GABRB1: variants seen among roughly 807,000 people sequenced by gnomAD.
GABRB1 encodes the protein gamma-aminobutyric acid receptor subunit beta-1.
A neutral mutation model predicts 51.6 loss-of-function variants in GABRB1; 17 were observed. The ratio of observed to expected loss-of-function variants is 0.33; its 90% CI spans 0.23 to 0.49. The LOEUF is 0.49. Ranked by LOEUF, GABRB1 falls within the 20% of genes least tolerant of loss-of-function variation. The pLI is 0.99. For missense variants in GABRB1, 410 were observed against 600.6 expected (o/e 0.68, Z 3.32); for synonymous variants, 247 against 218.9 (o/e 1.13, Z -1.14).
intron 4 of GABRB1, among the ~76,000 whole-genome samples, chr4:47,269,296 A>C (rs1380040584): frequency 2.0e-5 from 3 of 152,228 alleles, no homozygotes; most frequent in Non-Finnish European, 2.9e-5. Context: ...TTGAAACAGC[A>C]CTTTTCATTA....
chr4:47,289,152 G>A (rs1024949959), intron 4 of GABRB1, among the ~76,000 whole-genome samples: 1 of 151,998 alleles, frequency 6.6e-6, no homozygotes, highest in South Asian at 2.1e-4. Context: ...CTGTGATGAT[G>A]TGAAACAGAG....
rs936361407 is a variant in GABRB1, at chr4:47,339,141, C to T, written c.544+18932C>T. Among the ~76,000 whole-genome samples the T allele has an allele frequency of 2.0e-5, 3 of 152,146 alleles. No individual in the cohort carries two copies. In the South Asian group the frequency reaches 6.2e-4, roughly 32 times the overall value. Reference sequence around the variant, plus strand: ...CTATTATAGGGAAGTATAAAATAATCAAAACAGTAGGAAATGTAATGCAGG... The same window carrying T: ...CTATTATAGGGAAGTATAAAATAATTAAAACAGTAGGAAATGTAATGCAGG... On this transcript the variant is annotated intron_variant, in intron 5 of 8. Transcript: ENST00000295454.
chr4:47,136,017 G>T (rs574296175), intron 3 of GABRB1, among the ~76,000 whole-genome samples: 112 of 152,144 alleles, frequency 7.4e-4, no homozygotes, highest in Admixed American at 1.8e-3. Context: ...TTGAGGCAGG[G>T]TCTCACTCAG....
At chr4:47,228,003 G>A (rs1045810242) in intron 4 of GABRB1, among the ~76,000 whole-genome samples, 31 of 152,162 alleles carry the variant, frequency 2.0e-4, no homozygotes, top group African/African-American at 7.0e-4. Context: ...AAAGGCCCTA[G>A]CTTCAAATAC....
intron 5 of GABRB1, among the ~76,000 whole-genome samples, chr4:47,398,857 C>G (rs1424639974): frequency 6.6e-6 from 1 of 152,154 alleles, no homozygotes; most frequent in African/African-American, 2.4e-5. Context: ...GTGGCGCTAT[C>G]TCGGCTCACT....
chr4:47,250,280 C>T lies in GABRB1; in HGVS notation c.462-69847C>T, dbSNP rs765343074. On this transcript the variant is annotated intron_variant, in intron 4 of 8. Coordinates refer to ENST00000295454, the MANE Select transcript of GABRB1 (RefSeq NM_000812.4). Reference sequence around the variant, plus strand: ...GTTTGAGGAGGCTGAAGATAGACCCCCAATCCCTTTTAGCTTGTAGGGTTT... The same window carrying T: ...GTTTGAGGAGGCTGAAGATAGACCCTCAATCCCTTTTAGCTTGTAGGGTTT... 2.8e-4 allele frequency among the ~76,000 whole-genome samples: 42 copies of T among 152,132 alleles called. 1 individual carries two copies. The highest frequency in any genetic ancestry group is 5.2e-4 in the Admixed American group (8 of 15,278).
chr4:47,063,779 A>G (rs569121763), intron 3 of GABRB1, among the ~76,000 whole-genome samples: 41 of 152,302 alleles, frequency 2.7e-4, no homozygotes, highest in African/African-American at 9.1e-4. Context: ...GCAAACTAAC[A>G]CGGGAACAGA....
chr4:47,309,548 A>AT (rs894797449), intron 4 of GABRB1, among the ~76,000 whole-genome samples: 29 of 152,196 alleles, frequency 1.9e-4, no homozygotes, highest in Non-Finnish European at 3.4e-4. Flanking sequence ...ACTCAGTGTG[A>AT]TTTTTTTAAA....
chr4:47,095,994 T>G (rs1714410831), intron 3 of GABRB1, among the ~76,000 whole-genome samples: 1 of 152,200 alleles, frequency 6.6e-6, no homozygotes, highest in Non-Finnish European at 1.5e-5. Flanking sequence ...ACTTCTTTAT[T>G]GATCCCATCT....
At chr4:47,255,042 A>T (rs1392586494) in intron 4 of GABRB1, among the ~76,000 whole-genome samples, 1 of 152,216 alleles carries the variant, frequency 6.6e-6, no homozygotes, top group Non-Finnish European at 1.5e-5. Context: ...GAATTGAAAG[A>T]AGAATCCTTG....
chr4:47,017,161 C>T (rs1341898241), intron 1 of GABRB1, among the ~76,000 whole-genome samples: 3 of 152,112 alleles, frequency 2.0e-5, no homozygotes, highest in Non-Finnish European at 2.9e-5. Context: ...ACATGTGCGG[C>T]CTTCTCCATG....
chr4:47,263,212 AAAT>A (rs1722518210), intron 4 of GABRB1, among the ~76,000 whole-genome samples: 2 of 151,684 alleles, frequency 1.3e-5, no homozygotes, highest in Non-Finnish European at 2.9e-5. Context: ...ATAAATAAAT[AAAT>A]AAATAAATAA....
intron 5 of GABRB1, among the ~76,000 whole-genome samples, chr4:47,321,150 T>C (rs1422784573): frequency 6.6e-6 from 1 of 152,192 alleles, no homozygotes; most frequent in Non-Finnish European, 1.5e-5. Flanking sequence ...AAAAATGCAG[T>C]AGCTAATCAG....
intron 1 of GABRB1, among the ~76,000 whole-genome samples, chr4:47,018,040 G>A (rs537289984): frequency 6.0e-5 from 9 of 149,966 alleles, no homozygotes; most frequent in South Asian, 4.2e-4. Flanking sequence ...CTTCTTTGTC[G>A]TCATCTTCCT....
At chr4:47,011,390 A>G (rs1724578089) in intron 1 of GABRB1, among the ~76,000 whole-genome samples, 2 of 152,172 alleles carry the variant, frequency 1.3e-5, no homozygotes, top group Admixed American at 1.3e-4. Context: ...ATGGACAGCA[A>G]GAAGGATGTG....
chr4:47,388,427 G>A (rs145133528), intron 5 of GABRB1, among the ~76,000 whole-genome samples: 83 of 152,284 alleles, frequency 5.5e-4, no homozygotes, highest in African/African-American at 2.0e-3. Flanking sequence ...GGAGAAGCCT[G>A]AGTATCCTGA....
At chr4:47,327,186 T>C (rs1725290688) in intron 5 of GABRB1, among the ~76,000 whole-genome samples, 1 of 152,206 alleles carries the variant, frequency 6.6e-6, no homozygotes, top group African/African-American at 2.4e-5. Context: ...TATAATTTTA[T>C]ATTCATGTTT....
At chr4:47,294,364 G>T (rs1723877631) in intron 4 of GABRB1, among the ~76,000 whole-genome samples, 3 of 152,220 alleles carry the variant, frequency 2.0e-5, no homozygotes, top group Non-Finnish European at 4.4e-5. Context: ...AAAGAAAGGG[G>T]TGACAGATGG....
chr4:47,297,894 G>A (rs561928899), intron 4 of GABRB1, among the ~76,000 whole-genome samples: 174 of 152,296 alleles, frequency 1.1e-3, no homozygotes, highest in Non-Finnish European at 2.0e-3. Context: ...TATCCACCAT[G>A]ATCAAGTGGG....
Sources: gnomAD v4.1 joint callset for allele counts (sites outside exome capture counted in the v4.1 genomes callset) on GRCh38, gnomAD v4.1.1 for gene constraint, MANE v1.5 for transcripts, NCBI Gene and HGNC (gene_info 2026-07-23, HGNC 2026-07-21) for gene names.